SNTG2: variants seen among roughly 807,000 people sequenced by gnomAD.
SNTG2 encodes the protein syntrophin gamma 2, also known as gamma-2-syntrophin.
A neutral mutation model predicts 70.9 loss-of-function variants in SNTG2; 74 were observed. That is an observed-to-expected ratio of 1.04 (90% CI 0.86 to 1.27). SNTG2 has a LOEUF of 1.27. Ranked by LOEUF, SNTG2 falls within the 50% of genes most tolerant of loss-of-function variation. SNTG2 has a pLI of 0.00. For synonymous variants in SNTG2, 278 were observed against 273.8 expected, an observed-to-expected ratio of 1.02 and a Z score of -0.15; for missense variants, 717 against 690.7, an observed-to-expected ratio of 1.04 and a Z score of -0.43.
intron 1 of SNTG2, among the ~76,000 whole-genome samples, chr2:1,073,035 C>T (rs528517632): frequency 2.0e-5 from 3 of 152,178 alleles, no homozygotes; most frequent in African/African-American, 2.4e-5. Context: ...AATTGCTTCC[C>T]GTGGATGAGC....
chr2:1,237,956 A>G lies in SNTG2; in HGVS notation c.788A>G (p.Gln263Arg). ...GGGATCCTCCGGTTTTACACAGCCC[A>G]GGATGGCACCGACTGGCTGCGGGCG... ...SSGILRFYTA[Q>R]DGTDWLRAVS... The change falls in exon 10 of 17, where the codon CAG (glutamine) becomes CGG (arginine). Residue 263 changes from glutamine to arginine, a missense_variant. Physicochemically the swap from Gln to Arg is conservative, Grantham distance 43. Coordinates refer to ENST00000308624, the MANE Select transcript of SNTG2 (RefSeq NM_018968.4). 1.2e-6 allele frequency: 2 copies of G among 1,610,072 alleles called. No individual in the cohort carries two copies. The highest frequency in any genetic ancestry group is 1.7e-6 in the Non-Finnish European group (2 of 1,178,510).
At chr2:1,037,051 G>C (rs904596858) in intron 1 of SNTG2, among the ~76,000 whole-genome samples, 1 of 152,218 alleles carries the variant, frequency 6.6e-6, no homozygotes, top group Non-Finnish European at 1.5e-5. Context: ...GAAGTTCACT[G>C]GTCCATGGAG....
chr2:1,265,155 A>G (rs549527080), intron 13 of SNTG2, among the ~76,000 whole-genome samples: 1 of 152,344 alleles, frequency 6.6e-6, no homozygotes, highest in African/African-American at 2.4e-5. Context: ...AGTTCAGTGG[A>G]TAAAGAGATA....
chr2:1,233,184 G>C (rs555306187), intron 9 of SNTG2, among the ~76,000 whole-genome samples: 1 of 152,290 alleles, frequency 6.6e-6, no homozygotes, highest in African/African-American at 2.4e-5. Flanking sequence ...GCTTTGACGA[G>C]CAATTAAGAA....
intron 12 of SNTG2, among the ~76,000 whole-genome samples, chr2:1,258,317 T>C (rs1678235526): frequency 1.3e-5 from 2 of 152,256 alleles, no homozygotes; most frequent in Admixed American, 6.5e-5. Context: ...GTAACTCTTA[T>C]GGCCTGAATA....
At chr2:1,148,473 T>G (rs1572565679) in intron 6 of SNTG2, among the ~76,000 whole-genome samples, 2 of 152,220 alleles carry the variant, frequency 1.3e-5, no homozygotes, top group African/African-American at 2.4e-5. Flanking sequence ...CTGTGTGTGT[T>G]TTGTGTTAGG....
intron 6 of SNTG2, among the ~76,000 whole-genome samples, chr2:1,154,164 C>T (rs954553976): frequency 4.0e-5 from 6 of 149,528 alleles, no homozygotes; most frequent in Middle Eastern, 3.2e-3. Flanking sequence ...AGGGCGCGGG[C>T]GGGGAGAGGC....
At chr2:952,697 A>G (rs1464891713) in intron 1 of SNTG2, among the ~76,000 whole-genome samples, 1 of 152,206 alleles carries the variant, frequency 6.6e-6, no homozygotes, top group Non-Finnish European at 1.5e-5. Flanking sequence ...GTATTACAAT[A>G]AGATGGAGCA....
At chr2:1,123,126 T>C (rs7578403) in intron 4 of SNTG2, among the ~76,000 whole-genome samples, 72,389 of 151,992 alleles carry the variant, frequency 0.48, 18,381 homozygotes, top group East Asian at 0.66. Flanking sequence ...TTAATATTGC[T>C]AAAATATCTA....
At chr2:1,243,441 T>TC (rs1333933422) in intron 11 of SNTG2, among the ~76,000 whole-genome samples, 10 of 138,858 alleles carry the variant, frequency 7.2e-5, no homozygotes, top group African/African-American at 2.9e-4. Context: ...AGATGGTAAT[T>TC]CCACCCTTGA....
chr2:1,329,610 AGT>A (rs1659409445), intron 16 of SNTG2, among the ~76,000 whole-genome samples: 1 of 152,222 alleles, frequency 6.6e-6, no homozygotes, highest in African/African-American at 2.4e-5. Context: ...GGAAAACAAA[AGT>A]GTCCATGGGG....
At chr2:1,169,882 T>TATTGAA (rs1671010437) in intron 7 of SNTG2, among the ~76,000 whole-genome samples, 1 of 152,214 alleles carries the variant, frequency 6.6e-6, no homozygotes, top group Non-Finnish European at 1.5e-5. Context: ...CTATTCTCCT[T>TATTGAA]TTATTTCATT....
At chr2:1,349,151 A>C (rs1356633644) in intron 16 of SNTG2, among the ~76,000 whole-genome samples, 1 of 152,228 alleles carries the variant, frequency 6.6e-6, no homozygotes, top group African/African-American at 2.4e-5. Flanking sequence ...GGATGAAACC[A>C]CAGGGGTGAT....
chr2:1,110,409 TTC>T (rs1296041286), intron 4 of SNTG2, among the ~76,000 whole-genome samples: 18 of 152,340 alleles, frequency 1.2e-4, no homozygotes, highest in African/African-American at 4.1e-4. Context: ...ATTAATTTCT[TTC>T]TGTGTTAAAT....
intron 16 of SNTG2, among the ~76,000 whole-genome samples, chr2:1,320,813 C>T (rs1681487147): frequency 6.6e-6 from 1 of 152,134 alleles, no homozygotes; most frequent in Non-Finnish European, 1.5e-5. Context: ...GCTTGGCGCT[C>T]ACTGCACAGG....
intron 14 of SNTG2, among the ~76,000 whole-genome samples, chr2:1,295,272 T>C (rs1680153358): frequency 1.3e-5 from 2 of 152,200 alleles, no homozygotes; most frequent in African/African-American, 4.8e-5. Flanking sequence ...GGAGCCTGCA[T>C]GGAGACAGGC....
chr2:1,205,785 T>C (rs1455755862), intron 8 of SNTG2, among the ~76,000 whole-genome samples: 2 of 152,212 alleles, frequency 1.3e-5, no homozygotes, highest in Non-Finnish European at 2.9e-5. Flanking sequence ...TTCAGTGTAT[T>C]GGGAAATGTT....
chr2:1,290,529 G>A (rs1245115166), intron 14 of SNTG2, among the ~76,000 whole-genome samples: 2 of 152,114 alleles, frequency 1.3e-5, no homozygotes, highest in Non-Finnish European at 1.5e-5. Flanking sequence ...TGTCCAGACT[G>A]GTCTTGAGCT....
chr2:1,360,282 G>T (rs945702646), intron 16 of SNTG2, among the ~76,000 whole-genome samples: 3 of 151,982 alleles, frequency 2.0e-5, no homozygotes, highest in Admixed American at 6.6e-5. Context: ...TGGAGGCTTT[G>T]CCCTTGTGCT....
Sources: allele counts gnomAD v4.1 joint callset (sites outside exome capture counted in the v4.1 genomes callset), GRCh38; gene constraint gnomAD v4.1.1; transcripts MANE v1.5; gene names NCBI Gene and HGNC (gene_info 2026-07-23, HGNC 2026-07-21).